The following PMPCB variants were observed in gnomAD, a reference collection of about 807,000 sequenced individuals.
PMPCB encodes mitochondrial-processing peptidase subunit beta.
PMPCB carries 46 observed loss-of-function variants against 61.5 expected under a neutral mutation model. That is an observed-to-expected ratio of 0.75 (90% CI 0.59 to 0.96). The LOEUF (loss-of-function observed/expected upper bound fraction) is 0.96. PMPCB is among the 40% of genes least tolerant of loss of function. The pLI is 0.00. For synonymous variants in PMPCB, 191 were observed against 201.6 expected (o/e 0.95, Z 0.44); for missense variants, 590 against 602.4 (o/e 0.98, Z 0.22).
At chr7:103,342,781 T>G in the PMPCB span, among the ~76,000 whole-genome samples, 1 of 151,368 alleles carries the variant, frequency 6.6e-6, no homozygotes, top group Admixed American at 6.6e-5. Flanking sequence ...GCTAATTTTT[T>G]GCATTTTTAG....
intron 12 of PMPCB, among the ~76,000 whole-genome samples, chr7:103,321,472 C>T (rs948407831): frequency 4.0e-5 from 6 of 151,186 alleles, no homozygotes; most frequent in Non-Finnish European, 5.9e-5. Context: ...GAGCCAAAAT[C>T]GTGCCATTGC....
chr7:103,307,651 A>G lies in PMPCB; in HGVS notation c.792A>G (p.Leu264=). 1 of 1,613,718 alleles carries G rather than the reference A, an allele frequency of 6.2e-7. No individual in the cohort carries two copies. The change falls in exon 7 of 13, where the codon TTA becomes TTG. Residue 264 remains leucine (L), a synonymous_variant. Coordinates refer to ENST00000249269, the MANE Select transcript of PMPCB (RefSeq NM_004279.3). ...DLAKFHFGDS[L]CTHKGEIPAL... ...CAAAGTTTCATTTCGGTGACTCTTT[A>G]TGCACACACAAAGGAGAAATACCAG...
At chr7:103,340,405 A>G in the PMPCB span, among the ~76,000 whole-genome samples, 1 of 152,228 alleles carries the variant, frequency 6.6e-6, no homozygotes, top group Non-Finnish European at 1.5e-5. Flanking sequence ...TGTTTTATAC[A>G]TATGCTTTAG....
downstream of PMPCB, among the ~76,000 whole-genome samples, chr7:103,333,822 T>C (rs1201661307): frequency 6.6e-6 from 1 of 152,232 alleles, no homozygotes; most frequent in Non-Finnish European, 1.5e-5. Flanking sequence ...TGGCAATTTG[T>C]TCTTTTAAAA....
chr7:103,309,654 C>T (rs1250052541), intron 8 of PMPCB, among the ~76,000 whole-genome samples: 1 of 152,158 alleles, frequency 6.6e-6, no homozygotes, highest in East Asian at 1.9e-4. Context: ...TTGGTATCCA[C>T]AGGGATCTGG....
chr7:103,319,548 A>G (rs755491441), downstream of PMPCB: 5 of 1,502,310 alleles, frequency 3.3e-6, no homozygotes, highest in Non-Finnish European at 4.6e-6. Context: ...TTAGGTGAAG[A>G]AACAGGTCAA....
intron 12 of PMPCB, chr7:103,326,824 T>A: frequency 4.0e-6 from 3 of 755,934 alleles, no homozygotes; most frequent in Non-Finnish European, 4.1e-6. Context: ...GGGGAGGATT[T>A]AATTTAGGTA....
intron 12 of PMPCB, among the ~76,000 whole-genome samples, chr7:103,320,113 C>CG (rs1818300376): frequency 1.3e-5 from 2 of 152,196 alleles, no homozygotes; most frequent in East Asian, 3.9e-4. Context: ...TTCTTTGAGA[C>CG]GGAGTCTCAC....
At chr7:103,317,683 C>T (rs1039631906), downstream of PMPCB, among the ~76,000 whole-genome samples, 1 of 152,200 alleles carries the variant, frequency 6.6e-6, no homozygotes, top group Non-Finnish European at 1.5e-5. Context: ...CAGAGTCTCA[C>T]TCTGTCGCCC....
At chr7:103,307,245 T>A (rs562566418) in intron 6 of PMPCB, among the ~76,000 whole-genome samples, 304 of 151,430 alleles carry the variant, frequency 2.0e-3, no homozygotes, top group Middle Eastern at 3.4e-3. Flanking sequence ...CACTAAAAAA[T>A]TTTTTTTTTG....
chr7:103,332,273 C>T (rs536356755), downstream of PMPCB, among the ~76,000 whole-genome samples: 9 of 152,170 alleles, frequency 5.9e-5, no homozygotes, highest in East Asian at 1.9e-4. Context: ...CCAAAGTGCT[C>T]GGATTATAGG....
downstream of PMPCB, among the ~76,000 whole-genome samples, chr7:103,333,973 C>T (rs1304425945): frequency 1.4e-5 from 2 of 142,776 alleles, no homozygotes; most frequent in South Asian, 2.2e-4. Context: ...TTTTTTGAGA[C>T]GGAGTCTCGC....
chr7:103,309,130 T>C, intron 8 of PMPCB, 35 bp downstream of exon 8: 2 of 1,522,260 alleles, frequency 1.3e-6, no homozygotes, highest in South Asian at 2.5e-5. Context: ...CCATAACAGA[T>C]GGAAGATTAT....
At chr7:103,316,089 C>T, downstream of PMPCB, 2 of 1,547,066 alleles carry the variant, frequency 1.3e-6, no homozygotes, top group Non-Finnish European at 1.8e-6. Flanking sequence ...AACTTCCCAT[C>T]TGATAGGATA....
chr7:103,344,342 G>A, the PMPCB span: 1 of 588,736 alleles, frequency 1.7e-6, no homozygotes, highest in Non-Finnish European at 3.0e-6. Context: ...AGGAAGCAAC[G>A]GTAGGAGCAA....
chr7:103,303,183 C>T (rs1016831921), intron 4 of PMPCB, among the ~76,000 whole-genome samples: 5 of 152,202 alleles, frequency 3.3e-5, no homozygotes, highest in South Asian at 2.1e-4. Flanking sequence ...GTGGTGCAAT[C>T]GCAGCTCACT....
chr7:103,298,643 A>G lies in PMPCB; in HGVS notation c.175A>G (p.Arg59Gly). 6.2e-7 allele frequency: 1 copy of G among 1,613,788 alleles called. No individual in the cohort carries two copies. Among genetic ancestry groups the G allele is most frequent in the East Asian group, 2.2e-5 (1 of 44,882 alleles). ...AGTTGTTCTGAATGTTCCTGAAACA[A>G]GAGTAACATGTTTAGAAAGTGGACT... ...TQVVLNVPETRVTCLESGLRV... is the reference protein window; with the variant it reads ...TQVVLNVPETGVTCLESGLRV... The change falls in exon 2 of 13, where the codon AGA becomes GGA. Residue 59 changes from arginine (R) to glycine (G), a missense_variant. Transcript: ENST00000249269.
chr7:103,308,896 A>T, intron 7 of PMPCB, 56 bp from the exon 8 acceptor site: 1 of 1,372,148 alleles, frequency 7.3e-7, no homozygotes, highest in Non-Finnish European at 9.7e-7. Context: ...CTTGTTAATA[A>T]GCATGTTATA....
At chr7:103,341,399 T>C in the PMPCB span, among the ~76,000 whole-genome samples, 1 of 152,216 alleles carries the variant, frequency 6.6e-6, no homozygotes, top group Non-Finnish European at 1.5e-5. Flanking sequence ...ATACCGCATG[T>C]ACCCTATACG....
Sources: gnomAD v4.1 joint callset for allele counts (sites outside exome capture counted in the v4.1 genomes callset) on GRCh38, gnomAD v4.1.1 for gene constraint, MANE v1.5 for transcripts, NCBI Gene and HGNC (gene_info 2026-07-23, HGNC 2026-07-21) for gene names.